The following CRISPLD1 variants were observed in gnomAD, a reference collection of about 807,000 sequenced individuals.
The protein encoded by CRISPLD1 is cysteine-rich secretory protein LCCL domain-containing 1.
CRISPLD1 carries 60 observed loss-of-function variants against 77.5 expected under a neutral mutation model. The observed-to-expected ratio is 0.77, with a 90% CI of 0.63 to 0.96. CRISPLD1 has a LOEUF of 0.96. Ranked by LOEUF, CRISPLD1 falls within the 40% of genes least tolerant of loss-of-function variation. The pLI is 0.00. For synonymous variants in CRISPLD1, 195 were observed against 200.1 expected, an observed-to-expected ratio of 0.97 and a Z score of 0.22; for missense variants, 623 against 615.8, an observed-to-expected ratio of 1.01 and a Z score of -0.12.
intron 2 of CRISPLD1, among the ~76,000 whole-genome samples, chr8:74,987,111 GT>G (rs1049375224): frequency 6.6e-6 from 1 of 152,020 alleles, no homozygotes; most frequent in African/African-American, 2.4e-5. Flanking sequence ...ATACATTCTA[GT>G]TTTTTTCTGT....
At chr8:75,027,441 G>T (rs1318250244) in intron 13 of CRISPLD1, among the ~76,000 whole-genome samples, 2 of 152,096 alleles carry the variant, frequency 1.3e-5, no homozygotes, top group African/African-American at 4.8e-5. Context: ...TTTTAGTCAC[G>T]TCTAGTGAAA....
In CRISPLD1 at chr8:74,986,001, C is replaced by G; in HGVS notation, c.14C>G (p.Ala5Gly). The change falls in exon 2 of 15, where the codon GCG becomes GGG. Residue 5 changes from alanine (A) to glycine (G), a missense_variant. Physicochemically the swap from Ala to Gly is moderately conservative, Grantham distance 60 (BLOSUM62 0). Coordinates refer to ENST00000262207, the MANE Select transcript of CRISPLD1 (RefSeq NM_031461.6). Reference sequence around the variant, plus strand: ...AGGTCATTCATTATGAAGTGTACCGCGCGGGAGTGGCTCAGAGTAACCACA... The same window carrying G: ...AGGTCATTCATTATGAAGTGTACCGGGCGGGAGTGGCTCAGAGTAACCACA... MKCT[A>G]REWLRVTTVL... is the part of the protein sequence containing the mutation. The G allele has an allele frequency of 6.2e-7, 1 of 1,613,906 alleles. No homozygotes were observed. Among genetic ancestry groups the G allele is most frequent in the Non-Finnish European group, 8.5e-7 (1 of 1,179,884 alleles).
chr8:74,999,663 G>A (rs543514587), intron 2 of CRISPLD1, among the ~76,000 whole-genome samples: 1 of 152,118 alleles, frequency 6.6e-6, no homozygotes, highest in South Asian at 2.1e-4. Context: ...ATGAATAATT[G>A]TAAAATACAG....
rs939485180 is a variant in CRISPLD1 at position 75,033,015 on chromosome 8, C to T, written c.*773C>T. On this transcript the variant is annotated 3_prime_UTR_variant, in exon 15 of 15. Coordinates refer to ENST00000262207, the MANE Select transcript of CRISPLD1 (RefSeq NM_031461.6). ...TTCTTTTGTATCCTGGCAAATACTC[C>T]TGCAGGCCAGGAAGTATAATAGCAA... is the stretch of plus-strand genomic sequence containing the variant. 2.0e-5 allele frequency: 3 copies of T among 152,080 alleles called. No homozygotes were observed. Among genetic ancestry groups the T allele is most frequent in the Non-Finnish European group, 4.4e-5 (3 of 67,808 alleles). 9.4% of individuals were successfully genotyped at this position (152,080 alleles called of 1,614,324 possible).
intron 2 of CRISPLD1, among the ~76,000 whole-genome samples, chr8:75,007,021 CCATTTTAGTTTTT>C (rs1470621393): frequency 1.3e-5 from 2 of 152,084 alleles, no homozygotes; most frequent in East Asian, 3.8e-4. Flanking sequence ...ATAACACCTT[CCATTTTAGTTTTT>C]CATTAACATT....
intron 13 of CRISPLD1, among the ~76,000 whole-genome samples, chr8:75,027,842 C>G (rs1193306390): frequency 6.6e-6 from 1 of 151,980 alleles, no homozygotes; most frequent in Non-Finnish European, 1.5e-5. Context: ...TTATATATTT[C>G]TGCATTCATT....
rs138864898 is a variant in CRISPLD1 at position 75,029,396 on chromosome 8, A to G, written c.1330A>G (p.Ile444Val). Residue 444 changes from isoleucine to valine, a missense_variant, in exon 14 of 15, where the codon ATC (isoleucine) becomes GTC (valine). By Grantham distance (29) the Ile-to-Val change is conservative (BLOSUM62 3). Coordinates refer to ENST00000262207, the MANE Select transcript of CRISPLD1 (RefSeq NM_031461.6). ...GTRVYSDLSS[I>V]CRAAVHAGVV... is the part of the protein sequence containing the mutation. ...TTCTTTACCTTCTCAGCTGTCCAGT[A>G]TCTGCAGAGCAGCAGTACATGCTGG... 97 of 1,612,806 alleles carry G rather than the reference A, an allele frequency of 6.0e-5. No homozygotes were observed. The highest frequency in any genetic ancestry group is 3.2e-4 in the South Asian group (29 of 90,914).
chr8:75,026,094 T>TG (rs11407447), intron 13 of CRISPLD1, among the ~76,000 whole-genome samples: 57,705 of 151,970 alleles, frequency 0.38, 12,082 homozygotes, highest in African/African-American at 0.57. Context: ...ATGACTTTAG[T>TG]GGGTTGGACA....
intron 2 of CRISPLD1, among the ~76,000 whole-genome samples, chr8:75,009,421 A>C (rs1341647230): frequency 6.6e-6 from 1 of 152,094 alleles, no homozygotes; most frequent in East Asian, 1.9e-4. Context: ...GTCACTATTT[A>C]GCTCAAATTC....
At chr8:74,989,579 T>C (rs894898973) in intron 2 of CRISPLD1, among the ~76,000 whole-genome samples, 3 of 152,106 alleles carry the variant, frequency 2.0e-5, no homozygotes, top group African/African-American at 7.2e-5. Flanking sequence ...GTACATGTCC[T>C]TTGCACACTT....
intron 2 of CRISPLD1, among the ~76,000 whole-genome samples, chr8:75,003,756 G>A (rs1812784228): frequency 6.6e-6 from 1 of 152,116 alleles, no homozygotes; most frequent in Non-Finnish European, 1.5e-5. Flanking sequence ...GTTAGGTAAG[G>A]TATGGCCAAA....
chr8:74,998,247 G>C (rs994883842), intron 2 of CRISPLD1, among the ~76,000 whole-genome samples: 1 of 152,168 alleles, frequency 6.6e-6, no homozygotes, highest in Non-Finnish European at 1.5e-5. Flanking sequence ...GCTGAGTTGA[G>C]AGGGCAGGAA....
At chr8:74,992,603 T>C (rs1222102740) in intron 2 of CRISPLD1, among the ~76,000 whole-genome samples, 5 of 152,256 alleles carry the variant, frequency 3.3e-5, no homozygotes, top group Non-Finnish European at 7.3e-5. Context: ...CTTGCTGTTA[T>C]TACTGTTTCC....
intron 6 of CRISPLD1, among the ~76,000 whole-genome samples, chr8:75,015,887 C>T (rs903491643): frequency 2.6e-5 from 4 of 152,130 alleles, no homozygotes. Context: ...AGCTGACTTT[C>T]TTGTGACTTC....
chr8:75,010,411 C>A (rs1812909062), intron 2 of CRISPLD1, among the ~76,000 whole-genome samples: 1 of 152,126 alleles, frequency 6.6e-6, no homozygotes, highest in Non-Finnish European at 1.5e-5. Context: ...TGAACAAATT[C>A]TCTCTAGACT....
At chr8:75,022,191 A>T (rs756165724) in intron 12 of CRISPLD1, among the ~76,000 whole-genome samples, 2 of 152,334 alleles carry the variant, frequency 1.3e-5, no homozygotes, top group Middle Eastern at 3.4e-3. Context: ...CATAGAAATG[A>T]CAATTTATGC....
chr8:75,016,191 G>T (rs1266771467), intron 6 of CRISPLD1, among the ~76,000 whole-genome samples: 3 of 151,980 alleles, frequency 2.0e-5, no homozygotes, highest in African/African-American at 7.3e-5. Flanking sequence ...AAAATATTAA[G>T]AATATGATTT....
At position 74,985,913 on chromosome 8, in the gene CRISPLD1, CAT is replaced by C; in HGVS notation, c.-62-12_-62-11del. ...TGGAATTTTCATCTTAATCACATGA[CAT>C]GTCGTTATAGCCAAAAGGAGTGGAA... On this transcript the variant is annotated splice_polypyrimidine_tract_variant and intron_variant, in intron 1 of 14. Coordinates refer to ENST00000262207, the MANE Select transcript of CRISPLD1 (RefSeq NM_031461.6). The C allele has an allele frequency of 6.8e-7, 1 of 1,472,046 alleles. No homozygotes were observed. Among genetic ancestry groups the C allele is most frequent in the East Asian group, 2.3e-5 (1 of 43,718 alleles). The allele number at this position is 1,472,046 out of a possible 1,614,324, so 91.2% of individuals were successfully genotyped here. A position where few individuals can be genotyped will look rare whatever the true frequency, so the allele number is the denominator to read the frequency against.
At chr8:74,991,616 C>T (rs770559792) in intron 2 of CRISPLD1, among the ~76,000 whole-genome samples, 12 of 152,126 alleles carry the variant, frequency 7.9e-5, no homozygotes, top group African/African-American at 2.4e-4. Flanking sequence ...CTGCAATGTC[C>T]GCCTCCCAGG....
Sources: allele counts gnomAD v4.1 joint callset (sites outside exome capture counted in the v4.1 genomes callset), GRCh38; gene constraint gnomAD v4.1.1; transcripts MANE v1.5; gene names NCBI Gene and HGNC (gene_info 2026-07-23, HGNC 2026-07-21).